The following FOXP2 variants were observed in gnomAD, a reference collection of about 807,000 sequenced individuals.
FOXP2 encodes forkhead box protein P2.
In FOXP2, 12 loss-of-function variants were observed where a neutral mutation model predicts 115.8. The ratio of observed to expected loss-of-function variants is 0.10; its 90% CI spans 0.07 to 0.17. The LOEUF (loss-of-function observed/expected upper bound fraction) is 0.17, where lower values mean the gene tolerates loss of function less well. Ranked by LOEUF, FOXP2 falls within the 10% of genes least tolerant of loss-of-function variation. FOXP2 has a pLI of 1.00. For missense variants in FOXP2, 629 were observed against 843.5 expected (o/e 0.75, Z 3.15); for synonymous variants, 328 against 297.7 (o/e 1.10, Z -1.05).
chr7:114,466,875 A>G (rs1795819000), intron 2 of FOXP2, among the ~76,000 whole-genome samples: 1 of 152,216 alleles, frequency 6.6e-6, no homozygotes, highest in Non-Finnish European at 1.5e-5. Flanking sequence ...ACTATTTTCT[A>G]AATAGAGCAA....
At chr7:114,413,472 G>A (rs1379054009), upstream of FOXP2, among the ~76,000 whole-genome samples, 1 of 151,012 alleles carries the variant, frequency 6.6e-6, no homozygotes, top group African/African-American at 2.4e-5. Context: ...TTTAAATTTT[G>A]GTTTAAAAAA....
intron 2 of FOXP2, among the ~76,000 whole-genome samples, chr7:114,500,230 A>AG (rs1797508754): frequency 6.6e-6 from 1 of 151,540 alleles, no homozygotes; most frequent in Non-Finnish European, 1.5e-5. Flanking sequence ...AAAAAAAAAA[A>AG]AAAAAGAATG....
chr7:114,567,201 A>G (rs1197371753), intron 3 of FOXP2, among the ~76,000 whole-genome samples: 40 of 152,096 alleles, frequency 2.6e-4, no homozygotes, highest in Admixed American at 2.6e-3. Flanking sequence ...ATTGAGTACT[A>G]TTTTGAAGCA....
chr7:114,599,611 T>A (rs1298132790), intron 3 of FOXP2, among the ~76,000 whole-genome samples: 1 of 152,128 alleles, frequency 6.6e-6, no homozygotes, highest in Non-Finnish European at 1.5e-5. Context: ...TAACTTTTTT[T>A]TATAATGTTC....
At chr7:114,304,078 T>G (rs1024010335) in intron 2 of FOXP2, among the ~76,000 whole-genome samples, 1 of 152,180 alleles carries the variant, frequency 6.6e-6, no homozygotes, top group Non-Finnish European at 1.5e-5. Context: ...GTGGATTTAT[T>G]TGAAATATTT....
intron 2 of FOXP2, among the ~76,000 whole-genome samples, chr7:114,511,718 A>T (rs530890308): frequency 1.3e-3 from 196 of 152,310 alleles, no homozygotes; most frequent in Middle Eastern, 3.4e-3. Context: ...GATATTCATT[A>T]TCCTTGATAT....
At chr7:114,445,162 A>C (rs1584744142) in intron 2 of FOXP2, among the ~76,000 whole-genome samples, 1 of 152,040 alleles carries the variant, frequency 6.6e-6, no homozygotes, top group Non-Finnish European at 1.5e-5. Context: ...CACCAATGGC[A>C]TCTTTGGGGA....
At chr7:114,642,968 C>T (rs1486402077) in intron 7 of FOXP2, among the ~76,000 whole-genome samples, 1 of 150,954 alleles carries the variant, frequency 6.6e-6, no homozygotes, top group Non-Finnish European at 1.5e-5. Flanking sequence ...GCCCCCACGC[C>T]TGGCTAATTT....
At chr7:114,656,308 G>C (rs1806584932) in intron 10 of FOXP2, 2 of 201,234 alleles carry the variant, frequency 9.9e-6, no homozygotes, top group Admixed American at 5.9e-5. Flanking sequence ...TAACCATCCA[G>C]CTGAGTTTTT....
At chr7:114,599,118 G>A (rs1047171415) in intron 3 of FOXP2, among the ~76,000 whole-genome samples, 28 of 150,080 alleles carry the variant, frequency 1.9e-4, no homozygotes, top group African/African-American at 6.7e-4. Flanking sequence ...GTGGTGAATG[G>A]ATGTGGGGAC....
At chr7:114,482,523 T>C (rs1796603053) in intron 2 of FOXP2, among the ~76,000 whole-genome samples, 1 of 151,550 alleles carries the variant, frequency 6.6e-6, no homozygotes, top group Non-Finnish European at 1.5e-5. Context: ...AAGGTATGTC[T>C]TTATCACGAA....
intron 3 of FOXP2, among the ~76,000 whole-genome samples, chr7:114,587,473 G>A (rs951060215): frequency 1.3e-5 from 2 of 152,234 alleles, no homozygotes; most frequent in Admixed American, 1.3e-4. Context: ...AACCCATTGT[G>A]TGTATGTGCC....
chr7:114,341,354 G>C (rs1255882732), intron 2 of FOXP2, among the ~76,000 whole-genome samples: 1 of 151,176 alleles, frequency 6.6e-6, no homozygotes, highest in African/African-American at 2.4e-5. Context: ...TGTAGTGTCT[G>C]ACATGTAGCA....
At chr7:114,625,335 A>G (rs1297239351) in intron 3 of FOXP2, among the ~76,000 whole-genome samples, 2 of 151,766 alleles carry the variant, frequency 1.3e-5, no homozygotes, top group Non-Finnish European at 3.0e-5. Context: ...CTCCTCTTCT[A>G]TGTCACACGT....
intron 13 of FOXP2, 54 bp downstream of exon 13, chr7:114,659,727 C>T: frequency 1.5e-6 from 2 of 1,326,912 alleles, no homozygotes; most frequent in Non-Finnish European, 1.1e-6. Context: ...TTACAGATAG[C>T]ACAAGGAACA....
chr7:114,096,513 C>A (rs536094487), intron 1 of FOXP2, among the ~76,000 whole-genome samples: 1 of 152,144 alleles, frequency 6.6e-6, no homozygotes, highest in South Asian at 2.1e-4. Context: ...ATATTCTACA[C>A]ACAGTAAAAC....
intron 1 of FOXP2, among the ~76,000 whole-genome samples, chr7:114,148,497 A>G (rs1053017337): frequency 1.3e-5 from 2 of 152,240 alleles, no homozygotes; most frequent in Admixed American, 6.5e-5. Flanking sequence ...ACATATTTAG[A>G]TGCCCAAATG....
chr7:114,508,114 T>C (rs73436158), intron 2 of FOXP2, among the ~76,000 whole-genome samples: 13,284 of 152,054 alleles, frequency 0.087, 1,198 homozygotes, highest in African/African-American at 0.23. Context: ...TTTTATTAAA[T>C]AATTAAAGTA....
chr7:114,299,676 T>G (rs1442735722), intron 2 of FOXP2, among the ~76,000 whole-genome samples: 1 of 152,018 alleles, frequency 6.6e-6, no homozygotes, highest in Non-Finnish European at 1.5e-5. Flanking sequence ...GCTATAAATA[T>G]TCTAACTAAT....
Sources: gnomAD v4.1 joint callset for allele counts (sites outside exome capture counted in the v4.1 genomes callset) on GRCh38, gnomAD v4.1.1 for gene constraint, MANE v1.5 for transcripts, NCBI Gene and HGNC (gene_info 2026-07-23, HGNC 2026-07-21) for gene names.